The following PPP2R2B variants were observed in gnomAD, a reference collection of about 807,000 sequenced individuals.
PPP2R2B encodes the protein protein phosphatase 2 regulatory subunit Bbeta, also known as serine/threonine-protein phosphatase 2A 55 kDa regulatory subunit B beta isoform.
Under a neutral mutation model 46.0 loss-of-function variants are expected in PPP2R2B, and 5 were observed. That is an observed-to-expected ratio of 0.11 (90% CI 0.06 to 0.23). The LOEUF is 0.23. PPP2R2B is among the 10% of genes least tolerant of loss of function. The pLI is 1.00. For synonymous variants in PPP2R2B, 215 were observed against 206.7 expected (o/e 1.04, Z -0.34); for missense variants, 367 against 575.0 (o/e 0.64, Z 3.70).
chr5:146,624,643 C>G (rs531391966), intron 7 of PPP2R2B, among the ~76,000 whole-genome samples: 16 of 152,118 alleles, frequency 1.1e-4, no homozygotes, highest in Admixed American at 2.0e-4. Context: ...CAATCATCCT[C>G]TTTACACCAA....
intron 2 of PPP2R2B, among the ~76,000 whole-genome samples, chr5:147,072,181 A>G (rs1366954743): frequency 6.6e-6 from 1 of 151,970 alleles, no homozygotes; most frequent in Non-Finnish European, 1.5e-5. Flanking sequence ...TAGGTCTACT[A>G]TCTATAATAT....
In PPP2R2B at chr5:146,978,510, G is replaced by A. The variant is rs193234063; in HGVS notation, c.79+77155C>T. Among the ~76,000 whole-genome samples, 12 of 152,184 alleles carry A rather than the reference G, an allele frequency of 7.9e-5. No homozygotes were observed. In the East Asian group the frequency reaches 1.5e-3, roughly 20 times the overall value. ...GGGCTTTTATGATTTTACGTACTAC[G>A]TTTAAGTCTTTAATACATCCTGAGT... On this transcript the variant is annotated intron_variant, in intron 1 of 8. Coordinates refer to the PPP2R2B transcript ENST00000336640.
intron 5 of PPP2R2B, among the ~76,000 whole-genome samples, chr5:146,676,862 T>A (rs1316653803): frequency 6.6e-6 from 1 of 152,202 alleles, no homozygotes; most frequent in Non-Finnish European, 1.5e-5. Context: ...GTGGTGCTTA[T>A]GTTCTTAATT....
chr5:146,685,549 A>G (rs1224712525), intron 5 of PPP2R2B, among the ~76,000 whole-genome samples: 1 of 152,198 alleles, frequency 6.6e-6, no homozygotes, highest in Non-Finnish European at 1.5e-5. Context: ...TTTTCAGTCA[A>G]CTTGCCTAAT....
chr5:146,753,743 T>C (rs1312179239), intron 2 of PPP2R2B, among the ~76,000 whole-genome samples: 1 of 152,154 alleles, frequency 6.6e-6, no homozygotes, highest in African/African-American at 2.4e-5. Context: ...CGGGAATAGC[T>C]GCTACTGAAA....
chr5:146,658,154 A>G (rs1776453974), intron 5 of PPP2R2B, among the ~76,000 whole-genome samples: 1 of 152,136 alleles, frequency 6.6e-6, no homozygotes, highest in Admixed American at 6.5e-5. Context: ...CAAAGATGAG[A>G]GCGGAAGTCC....
intron 1 of PPP2R2B, among the ~76,000 whole-genome samples, chr5:146,988,281 T>C (rs756962482): frequency 6.6e-5 from 10 of 151,920 alleles, no homozygotes; most frequent in Non-Finnish European, 1.5e-4. Context: ...TAACAGATAT[T>C]ATAAAACATA....
At chr5:147,045,684 C>A (rs1418060398) in intron 1 of PPP2R2B, among the ~76,000 whole-genome samples, 1 of 152,106 alleles carries the variant, frequency 6.6e-6, no homozygotes, top group East Asian at 1.9e-4. Flanking sequence ...CGATAATTTA[C>A]AGTTGCTCTC....
At chr5:146,600,250 G>T in intron 8 of PPP2R2B, 41 bp downstream of exon 8, 1 of 1,588,698 alleles carries the variant, frequency 6.3e-7, no homozygotes. Context: ...AGCTCATGAA[G>T]GGAATGTTCA....
intron 5 of PPP2R2B, among the ~76,000 whole-genome samples, chr5:146,669,449 T>C (rs1354463060): frequency 1.3e-5 from 2 of 152,074 alleles, no homozygotes; most frequent in Non-Finnish European, 2.9e-5. Flanking sequence ...GCCCCTCATA[T>C]TGTTTGCATA....
At chr5:147,003,136 T>C (rs917631909) in intron 1 of PPP2R2B, among the ~76,000 whole-genome samples, 3 of 152,116 alleles carry the variant, frequency 2.0e-5, no homozygotes, top group Non-Finnish European at 2.9e-5. Flanking sequence ...TTTCTTTTCA[T>C]TGAAGGAGAA....
intron 2 of PPP2R2B, among the ~76,000 whole-genome samples, chr5:146,719,641 A>C (rs1780680455): frequency 6.6e-6 from 1 of 152,266 alleles, no homozygotes; most frequent in Admixed American, 6.5e-5. Context: ...GATAAGGCAG[A>C]GCAAGGCTCC....
intron 2 of PPP2R2B, among the ~76,000 whole-genome samples, chr5:146,819,996 T>C (rs922960487): frequency 1.3e-5 from 2 of 152,144 alleles, no homozygotes; most frequent in Non-Finnish European, 2.9e-5. Context: ...ACAATCTCAC[T>C]CATATGTGGA....
At chr5:146,722,288 A>G (rs989407045) in intron 2 of PPP2R2B, among the ~76,000 whole-genome samples, 3 of 152,178 alleles carry the variant, frequency 2.0e-5, no homozygotes, top group Admixed American at 6.5e-5. Flanking sequence ...ATTCCCAGAC[A>G]AGAAAACAAA....
chr5:147,055,946 C>T, exon 1 of PPP2R2B: 1 of 1,401,698 alleles, frequency 7.1e-7, no homozygotes, highest in Middle Eastern at 2.7e-4. Context: ...TACATTTCTG[C>T]ATGCAGCTCA....
At chr5:147,009,446 T>C (rs1381241638) in intron 1 of PPP2R2B, among the ~76,000 whole-genome samples, 1 of 152,168 alleles carries the variant, frequency 6.6e-6, no homozygotes, top group East Asian at 1.9e-4. Flanking sequence ...TGAAAGCAGA[T>C]AATCTAAATC....
Position 147,074,501 on chromosome 5 carries a change from G to A in PPP2R2B, c.50+6558C>T, listed in dbSNP as rs139079322. ...TAAACATCTAAACATCTAAGAAAGCGTATTTGTCAATCACTGACATCTTTC... is the reference window on the plus strand; with the variant it reads ...TAAACATCTAAACATCTAAGAAAGCATATTTGTCAATCACTGACATCTTTC... On this transcript the variant is annotated intron_variant, in intron 2 of 10. Coordinates refer to the PPP2R2B transcript ENST00000394413. Among the ~76,000 whole-genome samples, 517 of 152,280 alleles carry A rather than the reference G, an allele frequency of 3.4e-3. 3 individuals are homozygous for A. Among genetic ancestry groups the A allele is most frequent in the African/African-American group, 0.012 (480 of 41,564 alleles).
At chr5:146,730,700 A>G (rs752657031) in intron 2 of PPP2R2B, among the ~76,000 whole-genome samples, 1 of 152,140 alleles carries the variant, frequency 6.6e-6, no homozygotes, top group Non-Finnish European at 1.5e-5. Context: ...TGCCGCCACC[A>G]TGTAAGAAGT....
chr5:147,081,414 G>A (rs926836208), exon 1 of PPP2R2B: 1 of 992,186 alleles, frequency 1.0e-6, no homozygotes, highest in Non-Finnish European at 1.5e-6. Context: ...CCCTTCTCAG[G>A]CCCTGGCAGC....
Sources: allele counts gnomAD v4.1 joint callset (sites outside exome capture counted in the v4.1 genomes callset), GRCh38; gene constraint gnomAD v4.1.1; transcripts MANE v1.5; gene names NCBI Gene and HGNC (gene_info 2026-07-23, HGNC 2026-07-21).